The following COPG2 variants were observed in gnomAD, a reference collection of about 807,000 sequenced individuals.
The protein encoded by COPG2 is coat protein complex I subunit gamma 2, also known as coatomer subunit gamma-2.
A neutral mutation model predicts 46.3 loss-of-function variants in COPG2; 37 were observed. The observed-to-expected ratio is 0.80, with a 90% CI of 0.61 to 1.05. The LOEUF is 1.05. Ranked by LOEUF, COPG2 falls within the 50% of genes least tolerant of loss-of-function variation. The probability of loss-of-function intolerance (pLI) is 0.00; values close to 1 mark genes in which losing one functional copy is unlikely to be tolerated. For missense variants in COPG2, 427 were observed against 387.8 expected (o/e 1.10, Z -0.85); for synonymous variants, 159 against 129.7 (o/e 1.23, Z -1.53).
chr7:130,604,169 G>A (rs1010194603), intron 9 of COPG2, among the ~76,000 whole-genome samples: 1 of 152,118 alleles, frequency 6.6e-6, no homozygotes, highest in Non-Finnish European at 1.5e-5. Context: ...GACCCATGCA[G>A]TTCAAACCCA....
intron 20 of COPG2, among the ~76,000 whole-genome samples, chr7:130,531,995 G>A (rs1799830828): frequency 6.6e-6 from 1 of 152,162 alleles, no homozygotes; most frequent in African/African-American, 2.4e-5. Flanking sequence ...AGAAAACCGA[G>A]CCCAAAAGAT....
At chr7:130,656,318 T>C (rs1353365961) in intron 4 of COPG2, among the ~76,000 whole-genome samples, 1 of 151,954 alleles carries the variant, frequency 6.6e-6, no homozygotes, top group African/African-American at 2.4e-5. Context: ...AGTTTATAAA[T>C]CCCTAGACAA....
Position 130,652,897 on chromosome 7 carries a change from A to T in COPG2, c.295T>A (p.Ser99Thr). 5.6e-6 allele frequency: 9 copies of T among 1,607,228 alleles called. No individual in the cohort carries two copies. The highest frequency in any genetic ancestry group is 7.7e-6 in the Non-Finnish European group (9 of 1,176,036). The change falls in exon 5 of 24, where the codon TCT (serine) becomes ACT (threonine). Residue 99 changes from serine to threonine, a missense_variant. Ser to Thr is a moderately conservative substitution (Grantham distance 58). Transcript: ENST00000425248. ...CTTGTGACAATTATCACATCCTCAG[A>T]GATGGTAGCCATTTCTTTGATGGTA... is the stretch of plus-strand genomic sequence containing the variant. ...YLTIKEMATI[S>T]EDVIIVTSSL...
chr7:130,605,586 T>C, intron 9 of COPG2: 1 of 400,098 alleles, frequency 2.5e-6, no homozygotes. Flanking sequence ...AGGCCTTTAG[T>C]TGCTCATTGA....
intron 20 of COPG2, among the ~76,000 whole-genome samples, chr7:130,536,726 G>A (rs1799883813): frequency 2.0e-4 from 31 of 152,284 alleles, no homozygotes. Context: ...GGACAAGGAT[G>A]ACAGCGAGCA....
chr7:130,532,535 T>C (rs1038283582), intron 20 of COPG2, among the ~76,000 whole-genome samples: 8 of 151,410 alleles, frequency 5.3e-5, no homozygotes, highest in Non-Finnish European at 8.8e-5. Flanking sequence ...GAGAGTCAGG[T>C]TGAGACTGGG....
intron 9 of COPG2, among the ~76,000 whole-genome samples, chr7:130,597,783 C>G (rs1427077164): frequency 6.6e-6 from 1 of 152,154 alleles, no homozygotes; most frequent in Admixed American, 6.5e-5. Context: ...TAACATTGAA[C>G]CCAATATTGA....
chr7:130,550,986 A>G (rs1473371373), intron 16 of COPG2, among the ~76,000 whole-genome samples: 2 of 152,198 alleles, frequency 1.3e-5, no homozygotes, highest in Non-Finnish European at 2.9e-5. Context: ...GAGTTCAAGG[A>G]GAACCAGGAA....
At chr7:130,605,252 G>C (rs782763963) in intron 9 of COPG2, 2 of 519,972 alleles carry the variant, frequency 3.8e-6, no homozygotes, top group East Asian at 5.4e-5. Flanking sequence ...CTGCTGTTAA[G>C]TCCATTCAGC....
At chr7:130,584,631 G>A (rs1360835884) in intron 9 of COPG2, among the ~76,000 whole-genome samples, 2 of 151,964 alleles carry the variant, frequency 1.3e-5, no homozygotes, top group Non-Finnish European at 2.9e-5. Context: ...CAAGATTAAT[G>A]TTCACAAATC....
chr7:130,569,059 T>C (rs1286979092), intron 9 of COPG2, among the ~76,000 whole-genome samples: 1 of 152,044 alleles, frequency 6.6e-6, no homozygotes, highest in African/African-American at 2.4e-5. Flanking sequence ...AAAAAGGTGC[T>C]AAGAGGAAAG....
chr7:130,627,094 T>C lies in COPG2; in HGVS notation c.324-10029A>G, dbSNP rs531674012. ...TTGGTAGAGATGAGGTTTCACCATG[T>C]TGCCCAGGCTTTTCTATTGTGCTTA... On this transcript the variant is annotated intron_variant, in intron 5 of 23. Coordinates refer to ENST00000425248, the MANE Select transcript of COPG2 (RefSeq NM_012133.6). Among the ~76,000 whole-genome samples, 9 of 152,342 alleles carry C rather than the reference T, an allele frequency of 5.9e-5. No homozygotes were observed. In the South Asian group the frequency reaches 1.7e-3, roughly 28 times the overall value.
chr7:130,514,445 G>C (rs781839641), intron 20 of COPG2, among the ~76,000 whole-genome samples: 51 of 152,182 alleles, frequency 3.4e-4, no homozygotes, highest in Non-Finnish European at 6.6e-4. Context: ...TATCATGTAA[G>C]TGCGGTATTA....
intron 9 of COPG2, 139 bp downstream of exon 9, chr7:130,610,814 T>A (rs1794833187): frequency 1.2e-6 from 1 of 843,998 alleles, no homozygotes; most frequent in African/African-American, 1.7e-5. Context: ...AATTCCATAA[T>A]TTTTTTAAAA....
At chr7:130,524,344 A>G (rs1158313603) in intron 20 of COPG2, among the ~76,000 whole-genome samples, 19 of 151,702 alleles carry the variant, frequency 1.3e-4, no homozygotes, top group South Asian at 4.2e-4. Context: ...TGTGCTGAAA[A>G]AATGCAGGAG....
intron 5 of COPG2, among the ~76,000 whole-genome samples, chr7:130,618,100 C>CCAAAAAAAAA (rs570832787): frequency 1.5e-5 from 1 of 64,598 alleles, no homozygotes; most frequent in East Asian, 5.0e-4. Context: ...GACCCTGTCT[C>CCAAAAAAAAA]AAAAAAAAAA....
rs1455386804 is a variant in COPG2 at position 130,519,482 on chromosome 7, A to T, written c.2150-10823T>A. Among the ~76,000 whole-genome samples the T allele has an allele frequency of 2.0e-5, 3 of 152,236 alleles. No homozygotes were observed. The East Asian group carries it at 5.8e-4, about 29-fold the overall frequency. ...GATGGTTGAATAGTGCTGAATATCAAGAGTGTACATATCATCCAAAAGAGA... is the reference window on the plus strand; with the variant it reads ...GATGGTTGAATAGTGCTGAATATCATGAGTGTACATATCATCCAAAAGAGA... On this transcript the variant is annotated intron_variant, in intron 20 of 23. Transcript: ENST00000425248.
At chr7:130,649,154 C>T (rs1432775235) in intron 5 of COPG2, among the ~76,000 whole-genome samples, 1 of 152,198 alleles carries the variant, frequency 6.6e-6, no homozygotes, top group East Asian at 1.9e-4. Flanking sequence ...GAGTCACACC[C>T]CTTGATCTCT....
chr7:130,560,012 T>C (rs1236003744), intron 12 of COPG2, among the ~76,000 whole-genome samples: 1 of 152,214 alleles, frequency 6.6e-6, no homozygotes, highest in African/African-American at 2.4e-5. Flanking sequence ...GAAGTACTTT[T>C]TTAATTAGGC....
Sources: gnomAD v4.1 joint callset for allele counts (sites outside exome capture counted in the v4.1 genomes callset) on GRCh38, gnomAD v4.1.1 for gene constraint, MANE v1.5 for transcripts, NCBI Gene and HGNC (gene_info 2026-07-23, HGNC 2026-07-21) for gene names.